MARCHF1: variants seen among roughly 807,000 people sequenced by gnomAD.
MARCHF1 encodes the protein membrane associated ring-CH-type finger 1, also known as E3 ubiquitin-protein ligase MARCHF1.
MARCHF1 carries 40 observed loss-of-function variants against 54.2 expected under a neutral mutation model. The observed-to-expected ratio is 0.74, with a 90% confidence interval of 0.57 to 0.96. The LOEUF (loss-of-function observed/expected upper bound fraction) is 0.96. MARCHF1 is among the 40% of genes least tolerant of loss of function. MARCHF1 has a pLI of 0.00. For missense variants in MARCHF1, 586 were observed against 656.5 expected, an observed-to-expected ratio of 0.89 and a Z score of 1.17; for synonymous variants, 236 against 236.3, an observed-to-expected ratio of 1.00 and a Z score of 0.01.
At chr4:163,597,210 G>A (rs1019426990) in intron 7 of MARCHF1, among the ~76,000 whole-genome samples, 1 of 152,038 alleles carries the variant, frequency 6.6e-6, no homozygotes, top group Non-Finnish European at 1.5e-5. Flanking sequence ...TGCCCACCTC[G>A]GCCTTCCAAA....
intron 1 of MARCHF1, among the ~76,000 whole-genome samples, chr4:164,222,100 T>TA (rs2111154478): frequency 6.6e-6 from 1 of 152,114 alleles, no homozygotes; most frequent in African/African-American, 2.4e-5. Flanking sequence ...GAATGGAAAT[T>TA]TTTTCTAAGT....
At chr4:163,620,784 G>A (rs1331689848) in intron 5 of MARCHF1, among the ~76,000 whole-genome samples, 1 of 152,070 alleles carries the variant, frequency 6.6e-6, no homozygotes, top group Admixed American at 6.6e-5. Context: ...AAAAAAATCT[G>A]GAAAAGTACA....
chr4:164,312,178 C>T (rs1734865922), intron 1 of MARCHF1, among the ~76,000 whole-genome samples: 1 of 152,068 alleles, frequency 6.6e-6, no homozygotes, highest in Non-Finnish European at 1.5e-5. Flanking sequence ...ACAGCAAATT[C>T]AAATTACAGA....
intron 4 of MARCHF1, among the ~76,000 whole-genome samples, chr4:163,792,066 T>A (rs988411939): frequency 6.6e-6 from 1 of 152,176 alleles, no homozygotes; most frequent in African/African-American, 2.4e-5. Flanking sequence ...TCAGAATACT[T>A]CCTTTCACTT....
intron 3 of MARCHF1, among the ~76,000 whole-genome samples, chr4:163,854,443 C>T (rs968516416): frequency 6.6e-6 from 1 of 152,042 alleles, no homozygotes; most frequent in Non-Finnish European, 1.5e-5. Context: ...ATTCCTTGTG[C>T]CAGGTTCTAA....
chr4:163,762,866 C>G (rs188335874), intron 4 of MARCHF1, among the ~76,000 whole-genome samples: 1 of 152,136 alleles, frequency 6.6e-6, no homozygotes, highest in Non-Finnish European at 1.5e-5. Flanking sequence ...AAAGCTTACA[C>G]TAGCTTTCTG....
chr4:164,020,495 G>A (rs1243985194), intron 2 of MARCHF1, among the ~76,000 whole-genome samples: 1 of 152,210 alleles, frequency 6.6e-6, no homozygotes, highest in Admixed American at 6.5e-5. Context: ...TATTAACTGA[G>A]AAGTCTGCTT....
At chr4:164,203,189 C>G (rs1393779492) in intron 1 of MARCHF1, among the ~76,000 whole-genome samples, 1 of 151,918 alleles carries the variant, frequency 6.6e-6, no homozygotes, top group Non-Finnish European at 1.5e-5. Flanking sequence ...CATTGGCAGA[C>G]TCAAACAGCT....
At chr4:163,752,252 A>G (rs114501252) in intron 4 of MARCHF1, among the ~76,000 whole-genome samples, 1,563 of 152,278 alleles carry the variant, frequency 0.01, 15 homozygotes, top group African/African-American at 0.026. Context: ...CAACATAAGA[A>G]AATAATTTCA....
chr4:164,106,154 T>G (rs879638690), intron 2 of MARCHF1, among the ~76,000 whole-genome samples: 3,940 of 148,556 alleles, frequency 0.027, 76 homozygotes, highest in Non-Finnish European at 0.041. Flanking sequence ...AGGAACACTT[T>G]TACACTGTTG....
chr4:164,320,568 A>G (rs543181123), intron 1 of MARCHF1, among the ~76,000 whole-genome samples: 1 of 152,206 alleles, frequency 6.6e-6, no homozygotes, highest in East Asian at 1.9e-4. Flanking sequence ...TTTTTACCAC[A>G]CCTACGAATG....
chr4:163,984,895 G>C (rs531581933), intron 3 of MARCHF1, among the ~76,000 whole-genome samples: 4 of 152,200 alleles, frequency 2.6e-5, no homozygotes, highest in Non-Finnish European at 4.4e-5. Context: ...AACCAGAAAA[G>C]AAAAAGAAAT....
intron 2 of MARCHF1, among the ~76,000 whole-genome samples, chr4:164,078,590 T>C (rs930946709): frequency 2.0e-5 from 3 of 152,066 alleles, no homozygotes; most frequent in Non-Finnish European, 4.4e-5. Context: ...AAGTAAAAGA[T>C]TTAAAATGTT....
intron 1 of MARCHF1, among the ~76,000 whole-genome samples, chr4:164,381,071 T>C (rs575643486): frequency 6.6e-6 from 1 of 152,336 alleles, no homozygotes; most frequent in Admixed American, 6.5e-5. Context: ...ATACAGGATC[T>C]TTCCATGGAT....
intron 5 of MARCHF1, among the ~76,000 whole-genome samples, chr4:163,623,185 A>G (rs1469598880): frequency 6.6e-6 from 1 of 152,204 alleles, no homozygotes; most frequent in Non-Finnish European, 1.5e-5. Context: ...CTGAAGCACT[A>G]GGATCAGGAG....
At chr4:163,554,711 T>C (rs1255395509) in intron 8 of MARCHF1, among the ~76,000 whole-genome samples, 2 of 152,190 alleles carry the variant, frequency 1.3e-5, no homozygotes, top group Non-Finnish European at 2.9e-5. Context: ...AGTTAGCACA[T>C]AGTAAACAGG....
intron 2 of MARCHF1, among the ~76,000 whole-genome samples, chr4:164,042,887 C>A (rs1754159059): frequency 6.6e-6 from 1 of 152,180 alleles, no homozygotes; most frequent in African/African-American, 2.4e-5. Context: ...CCATGCAAGT[C>A]CAAAACCCAG....
chr4:163,785,736 G>GA (rs372397759), intron 4 of MARCHF1, among the ~76,000 whole-genome samples: 107 of 150,622 alleles, frequency 7.1e-4, no homozygotes, highest in African/African-American at 2.4e-3. Flanking sequence ...AATGACACAG[G>GA]AAAAAAAAAG....
chr4:164,300,833 C>A (rs1289082838), intron 1 of MARCHF1, among the ~76,000 whole-genome samples: 2 of 152,134 alleles, frequency 1.3e-5, no homozygotes, highest in Non-Finnish European at 2.9e-5. Flanking sequence ...ACAAGTACGT[C>A]AATGCACCAA....
Sources: allele counts gnomAD v4.1 joint callset (sites outside exome capture counted in the v4.1 genomes callset), GRCh38; gene constraint gnomAD v4.1.1; transcripts MANE v1.5; gene names NCBI Gene and HGNC (gene_info 2026-07-23, HGNC 2026-07-21).